LCLAT1: variants seen among roughly 807,000 people sequenced by gnomAD.
LCLAT1 encodes 1-AGP acyltransferase 8.
In LCLAT1, 11 loss-of-function variants were observed where a neutral mutation model predicts 30.7. The ratio of observed to expected loss-of-function variants is 0.36; its 90% confidence interval spans 0.23 to 0.59. The LOEUF (loss-of-function observed/expected upper bound fraction) is 0.59. Among genes scored for constraint, LCLAT1 ranks in the 20% least tolerant of loss-of-function variants. The pLI is 0.77. For missense variants in LCLAT1, 402 were observed against 458.6 expected, an observed-to-expected ratio of 0.88 and a Z score of 1.13; for synonymous variants, 155 against 151.3, an observed-to-expected ratio of 1.02 and a Z score of -0.18.
intron 5 of LCLAT1, among the ~76,000 whole-genome samples, chr2:30,620,380 T>C (rs1241477771): frequency 6.6e-6 from 1 of 152,210 alleles, no homozygotes; most frequent in Non-Finnish European, 1.5e-5. Flanking sequence ...CCAAGTATTC[T>C]TAGGCTACTA....
intron 5 of LCLAT1, among the ~76,000 whole-genome samples, chr2:30,628,103 A>G (rs1668602484): frequency 6.6e-6 from 1 of 152,224 alleles, no homozygotes; most frequent in Non-Finnish European, 1.5e-5. Flanking sequence ...TCCCTATTCT[A>G]GCAGTGATTA....
At chr2:30,485,028 C>G (rs1327445106) in intron 1 of LCLAT1, among the ~76,000 whole-genome samples, 1 of 152,020 alleles carries the variant, frequency 6.6e-6, no homozygotes, top group Non-Finnish European at 1.5e-5. Context: ...TTAAATTATC[C>G]AAACATTAAC....
chr2:30,603,923 A>T (rs998070667), intron 5 of LCLAT1, among the ~76,000 whole-genome samples: 1 of 152,208 alleles, frequency 6.6e-6, no homozygotes, highest in Non-Finnish European at 1.5e-5. Flanking sequence ...GCAAAGAGAA[A>T]AATAAGGTAA....
chr2:30,547,689 G>C (rs1000996305), intron 3 of LCLAT1, among the ~76,000 whole-genome samples: 4 of 151,190 alleles, frequency 2.6e-5, no homozygotes, highest in Admixed American at 6.6e-5. Context: ...CCTCAAAGAG[G>C]GGGAGGTCCT....
intron 5 of LCLAT1, among the ~76,000 whole-genome samples, chr2:30,594,357 T>TA (rs1440404265): frequency 6.6e-6 from 1 of 152,156 alleles, no homozygotes; most frequent in African/African-American, 2.4e-5. Flanking sequence ...CGAACACCCA[T>TA]ACACCCACCA....
chr2:30,465,890 T>C (rs1334848483), intron 1 of LCLAT1, among the ~76,000 whole-genome samples: 1 of 152,198 alleles, frequency 6.6e-6, no homozygotes, highest in Non-Finnish European at 1.5e-5. Context: ...TTCAAGTCCA[T>C]TGCATTTTGT....
intron 1 of LCLAT1, among the ~76,000 whole-genome samples, chr2:30,506,880 T>C (rs988581972): frequency 3.9e-5 from 6 of 152,160 alleles, no homozygotes; most frequent in African/African-American, 1.4e-4. Context: ...AATATTTCAC[T>C]AACGTTTATG....
chr2:30,635,701 A>G (rs989407940), intron 5 of LCLAT1, among the ~76,000 whole-genome samples: 1 of 152,226 alleles, frequency 6.6e-6, no homozygotes, highest in Non-Finnish European at 1.5e-5. Flanking sequence ...AAAAAATACC[A>G]TGGAACAAGT....
chr2:30,485,188 A>T (rs976236021), intron 1 of LCLAT1, among the ~76,000 whole-genome samples: 1 of 152,202 alleles, frequency 6.6e-6, no homozygotes, highest in Non-Finnish European at 1.5e-5. Context: ...TTTAGGAATT[A>T]TCAGCAGATG....
chr2:30,585,701 C>T (rs1166186057), intron 5 of LCLAT1, among the ~76,000 whole-genome samples: 2 of 152,152 alleles, frequency 1.3e-5, no homozygotes, highest in Non-Finnish European at 2.9e-5. Flanking sequence ...ATCGGTTATA[C>T]TCTGTGGTCC....
intron 5 of LCLAT1, among the ~76,000 whole-genome samples, chr2:30,624,671 G>T (rs1044755785): frequency 6.1e-4 from 93 of 152,212 alleles, no homozygotes; most frequent in African/African-American, 2.2e-3. Flanking sequence ...ATAATAGTGG[G>T]GGACTTCTGT....
intron 2 of LCLAT1, among the ~76,000 whole-genome samples, chr2:30,527,813 A>G (rs1685791052): frequency 6.6e-6 from 1 of 152,186 alleles, no homozygotes; most frequent in African/African-American, 2.4e-5. Context: ...ATTTGGTATT[A>G]TATTAATTTT....
chr2:30,579,960 T>A (rs543123810), intron 5 of LCLAT1, among the ~76,000 whole-genome samples: 2 of 152,132 alleles, frequency 1.3e-5, no homozygotes. Flanking sequence ...CAAAATAGTA[T>A]CTTATTTTGA....
At chr2:30,477,491 A>T (rs893454580) in intron 1 of LCLAT1, among the ~76,000 whole-genome samples, 1 of 152,200 alleles carries the variant, frequency 6.6e-6, no homozygotes, top group Non-Finnish European at 1.5e-5. Flanking sequence ...GTGTCCATTT[A>T]TGAAATGGTT....
At chr2:30,598,414 CT>C (rs58514140) in intron 5 of LCLAT1, among the ~76,000 whole-genome samples, 661 of 135,846 alleles carry the variant, frequency 4.9e-3, no homozygotes, top group African/African-American at 7.7e-3. Flanking sequence ...TCTAGATTTT[CT>C]TTTTTTTTTT....
At chr2:30,631,097 A>C (rs1572719805) in intron 5 of LCLAT1, among the ~76,000 whole-genome samples, 3 of 152,246 alleles carry the variant, frequency 2.0e-5, no homozygotes. Flanking sequence ...ATGCATTGAC[A>C]CAGCCACAAC....
intron 1 of LCLAT1, among the ~76,000 whole-genome samples, chr2:30,485,301 GA>G (rs1353011496): frequency 6.6e-6 from 1 of 152,122 alleles, no homozygotes; most frequent in African/African-American, 2.4e-5. Flanking sequence ...GACGTATTTG[GA>G]ACTTAATGAA....
intron 3 of LCLAT1, among the ~76,000 whole-genome samples, chr2:30,554,980 G>T (rs930571830): frequency 6.6e-6 from 1 of 150,572 alleles, no homozygotes; most frequent in African/African-American, 2.4e-5. Flanking sequence ...ATTAAAGAAA[G>T]ATTCAAATAT....
chr2:30,467,966 G>C (rs1485209964), intron 1 of LCLAT1, among the ~76,000 whole-genome samples: 1 of 152,094 alleles, frequency 6.6e-6, no homozygotes, highest in Non-Finnish European at 1.5e-5. Flanking sequence ...TGTCAGTTTT[G>C]GCTTTTGTTG....
Sources: gnomAD v4.1 joint callset for allele counts (sites outside exome capture counted in the v4.1 genomes callset) on GRCh38, gnomAD v4.1.1 for gene constraint, MANE v1.5 for transcripts, NCBI Gene and HGNC (gene_info 2026-07-23, HGNC 2026-07-21) for gene names.